Variants in CTNNA3 observed in about 807,000 individuals in gnomAD.
CTNNA3 encodes catenin alpha-3.
In CTNNA3, 76 loss-of-function variants were observed where a neutral mutation model predicts 95.7. The ratio of observed to expected loss-of-function variants is 0.79; its 90% confidence interval spans 0.66 to 0.96. CTNNA3 has a LOEUF of 0.96. Among genes scored for constraint, CTNNA3 ranks in the 40% least tolerant of loss-of-function variants. CTNNA3 has a pLI of 0.00. For missense variants in CTNNA3, 1,191 were observed against 1,089.8 expected (o/e 1.09, Z -1.31); for synonymous variants, 431 against 374.4 (o/e 1.15, Z -1.74).
intron 11 of CTNNA3, among the ~76,000 whole-genome samples, chr10:66,401,215 T>A (rs541698211): frequency 8.3e-4 from 126 of 152,130 alleles, no homozygotes; most frequent in African/African-American, 2.9e-3. Context: ...TCTGAGACAG[T>A]TGTAAGAATT....
intron 9 of CTNNA3, among the ~76,000 whole-genome samples, chr10:66,642,179 C>G (rs1845538330): frequency 6.6e-6 from 1 of 150,472 alleles, no homozygotes; most frequent in Non-Finnish European, 1.5e-5. Flanking sequence ...ACTGCCACAG[C>G]CTGAAATAAT....
intron 7 of CTNNA3, among the ~76,000 whole-genome samples, chr10:67,158,583 AT>A (rs1236136076): frequency 6.6e-6 from 1 of 152,232 alleles, no homozygotes; most frequent in African/African-American, 2.4e-5. Context: ...ATAGTTAAAA[AT>A]ATGACAAAAC....
At chr10:66,201,670 T>C (rs1203451302) in intron 13 of CTNNA3, among the ~76,000 whole-genome samples, 1 of 152,154 alleles carries the variant, frequency 6.6e-6, no homozygotes, top group Non-Finnish European at 1.5e-5. Flanking sequence ...ATGTATATCC[T>C]ATATTTCCAA....
chr10:67,697,075 G>A (rs1374611086), upstream of CTNNA3, among the ~76,000 whole-genome samples: 2 of 152,182 alleles, frequency 1.3e-5, no homozygotes, highest in Middle Eastern at 3.2e-3. Flanking sequence ...GGAGCCAAGA[G>A]GAAAGGCAGG....
At chr10:66,161,086 G>GAGTC (rs1247237353) in intron 13 of CTNNA3, among the ~76,000 whole-genome samples, 1 of 152,160 alleles carries the variant, frequency 6.6e-6, no homozygotes, top group Non-Finnish European at 1.5e-5. Context: ...TGTGTAAGGT[G>GAGTC]AGTCTCCTGA....
intron 9 of CTNNA3, among the ~76,000 whole-genome samples, chr10:66,756,970 G>C (rs1174978158): frequency 1.3e-5 from 2 of 152,130 alleles, no homozygotes; most frequent in African/African-American, 4.8e-5. Flanking sequence ...CTTTAATTTT[G>C]CTTTAAATTG....
intron 7 of CTNNA3, among the ~76,000 whole-genome samples, chr10:67,048,564 A>T (rs1247095002): frequency 6.6e-6 from 1 of 152,092 alleles, no homozygotes; most frequent in Non-Finnish European, 1.5e-5. Flanking sequence ...TACCTTAAGG[A>T]CTATTATATA....
chr10:67,013,938 A>G (rs1212296771), intron 7 of CTNNA3, among the ~76,000 whole-genome samples: 2 of 152,118 alleles, frequency 1.3e-5, no homozygotes, highest in African/African-American at 2.4e-5. Flanking sequence ...CAGAGCCCCA[A>G]GGTCTAAAAA....
Position 67,556,548 on chromosome 10 carries a change from G to A in CTNNA3, c.293-16879C>T, listed in dbSNP as rs184809695. 3.5e-4 allele frequency among the ~76,000 whole-genome samples: 53 copies of A among 152,214 alleles called. 1 individual carries two copies. The highest frequency in any genetic ancestry group is 3.4e-3 in the Middle Eastern group (1 of 294). ...TTTTCTAGTTTATTTGCTTAGAGGT[G>A]TTTATAGTATTCTCTGATGGTACTT... On this transcript the variant is annotated intron_variant, in intron 3 of 17. Transcript: ENST00000433211.
intron 1 of CTNNA3, among the ~76,000 whole-genome samples, chr10:67,654,759 TG>T (rs546029637): frequency 2.8e-3 from 427 of 152,370 alleles, no homozygotes; most frequent in Admixed American, 4.4e-3. Context: ...AGTATTAAGC[TG>T]TGTGACAATA....
At chr10:67,514,791 A>G (rs1839759463) in intron 5 of CTNNA3, among the ~76,000 whole-genome samples, 1 of 151,848 alleles carries the variant, frequency 6.6e-6, no homozygotes, top group African/African-American at 2.4e-5. Flanking sequence ...ATAACAAAGA[A>G]TTAACTTGTT....
intron 11 of CTNNA3, among the ~76,000 whole-genome samples, chr10:66,466,114 G>C (rs570728047): frequency 6.6e-6 from 1 of 151,810 alleles, no homozygotes; most frequent in Non-Finnish European, 1.5e-5. Flanking sequence ...TAAATTGAAG[G>C]CTCTAGAAAA....
intron 6 of CTNNA3, among the ~76,000 whole-genome samples, chr10:67,211,125 A>T (rs535369436): frequency 1.3e-5 from 2 of 152,134 alleles, no homozygotes; most frequent in African/African-American, 2.4e-5. Flanking sequence ...CATTAAGCAC[A>T]TGACAATGTG....
intron 5 of CTNNA3, among the ~76,000 whole-genome samples, chr10:67,241,639 G>T (rs1237229696): frequency 2.0e-5 from 3 of 152,058 alleles, no homozygotes; most frequent in African/African-American, 4.8e-5. Context: ...GATCAAATAG[G>T]GTCCAAAGCC....
intron 13 of CTNNA3, among the ~76,000 whole-genome samples, chr10:66,201,979 G>A (rs917392772): frequency 2.0e-5 from 3 of 151,600 alleles, no homozygotes; most frequent in Non-Finnish European, 4.4e-5. Flanking sequence ...TAGAGACGGG[G>A]TTTCACTGTG....
At chr10:66,447,883 A>G (rs1486815774) in intron 11 of CTNNA3, among the ~76,000 whole-genome samples, 5 of 152,214 alleles carry the variant, frequency 3.3e-5, no homozygotes, top group South Asian at 4.1e-4. Context: ...ATCAGAGTGA[A>G]CAGGCAACCT....
At chr10:66,513,554 G>A (rs1840736088) in intron 11 of CTNNA3, among the ~76,000 whole-genome samples, 1 of 152,208 alleles carries the variant, frequency 6.6e-6, no homozygotes, top group South Asian at 2.1e-4. Context: ...GGTACACAAA[G>A]GTACATAGTG....
At chr10:67,632,999 G>A (rs754153307) in intron 2 of CTNNA3, among the ~76,000 whole-genome samples, 2 of 152,186 alleles carry the variant, frequency 1.3e-5, no homozygotes, top group Non-Finnish European at 2.9e-5. Flanking sequence ...CGGGAGGGGC[G>A]GCCACCATCT....
chr10:66,259,183 T>C (rs906982491), intron 13 of CTNNA3, among the ~76,000 whole-genome samples: 4 of 152,130 alleles, frequency 2.6e-5, no homozygotes, highest in Non-Finnish European at 5.9e-5. Flanking sequence ...CAACTTCCAT[T>C]TACATGGGGC....
Sources: allele counts gnomAD v4.1 joint callset (sites outside exome capture counted in the v4.1 genomes callset), GRCh38; gene constraint gnomAD v4.1.1; transcripts MANE v1.5; gene names NCBI Gene and HGNC (gene_info 2026-07-23, HGNC 2026-07-21).